Variants in COL25A1 observed in about 807,000 individuals in gnomAD.
COL25A1 encodes the protein collagen type XXV alpha 1 chain.
A neutral mutation model predicts 128.4 loss-of-function variants in COL25A1; 103 were observed. The observed-to-expected ratio is 0.80, with a 90% CI of 0.68 to 0.94. COL25A1 has a LOEUF of 0.94. COL25A1 is among the 40% of genes least tolerant of loss of function. COL25A1 has a pLI of 0.00. For synonymous variants in COL25A1, 279 were observed against 277.2 expected (o/e 1.01, Z -0.06); for missense variants, 745 against 840.0 (o/e 0.89, Z 1.40).
Position 109,211,302 on chromosome 4 carries a change from A to AAAC in COL25A1, c.367+89280_367+89281insGTT, listed in dbSNP as rs1777524089. Among the ~76,000 whole-genome samples, 3 of 48,562 alleles carry AAAC rather than the reference A, an allele frequency of 6.2e-5. No homozygotes were observed. In the South Asian group the frequency reaches 1.5e-3, roughly 24 times the overall value. 31.9% of individuals were successfully genotyped at this position (48,562 alleles called of 152,430 possible). A position where few individuals can be genotyped will look rare whatever the true frequency, so the allele number is the denominator to read the frequency against. Reference sequence around the variant, plus strand: ...TATATATATGAAACTATATATATATATATATATATATATATATATATATAT... The same window carrying AAAC: ...TATATATATGAAACTATATATATATAAACTATATATATATATATATATATATAT... On this transcript the variant is annotated intron_variant, in intron 3 of 37. Coordinates refer to ENST00000399132, the MANE Select transcript of COL25A1 (RefSeq NM_198721.4).
At chr4:109,233,374 T>C (rs1484684032) in intron 3 of COL25A1, among the ~76,000 whole-genome samples, 2 of 152,192 alleles carry the variant, frequency 1.3e-5, no homozygotes, top group African/African-American at 4.8e-5. Flanking sequence ...CATAGTAGTC[T>C]GACTGTCATA....
Position 109,298,652 on chromosome 4 carries a change from T to C in COL25A1, c.367+1931A>G, listed in dbSNP as rs148650650. ...TAGAAATAAATAGTTTTCCCCAAGA[T>C]ATTATTTTCAACGTAATGTCCTTAT... On this transcript the variant is annotated intron_variant, in intron 3 of 37. Coordinates refer to ENST00000399132, the MANE Select transcript of COL25A1 (RefSeq NM_198721.4). 4.3e-4 allele frequency among the ~76,000 whole-genome samples: 65 copies of C among 152,356 alleles called. 1 individual carries two copies. Among genetic ancestry groups the C allele is most frequent in the Non-Finnish European group, 7.8e-4 (53 of 68,028 alleles).
intron 19 of COL25A1, 24 bp downstream of exon 19, chr4:108,884,154 C>A: frequency 6.2e-7 from 1 of 1,612,270 alleles, no homozygotes. Flanking sequence ...TCTGTGAAGC[C>A]GAGACTGTCC....
intron 20 of COL25A1, among the ~76,000 whole-genome samples, chr4:108,867,169 T>C (rs1429900783): frequency 6.6e-6 from 1 of 152,230 alleles, no homozygotes; most frequent in African/African-American, 2.4e-5. Flanking sequence ...CTTCACTCTC[T>C]ACTGCTTGTG....
intron 5 of COL25A1, among the ~76,000 whole-genome samples, chr4:109,034,282 C>T (rs1560574489): frequency 6.6e-6 from 1 of 152,072 alleles, no homozygotes; most frequent in East Asian, 1.9e-4. Context: ...AATGAGGACA[C>T]AATAAACTAT....
At chr4:108,846,117 C>A (rs1735062341) in intron 28 of COL25A1, 22 bp downstream of exon 28, 2 of 1,493,208 alleles carry the variant, frequency 1.3e-6, no homozygotes, top group Non-Finnish European at 1.9e-6. Flanking sequence ...AAAGTATAAA[C>A]AAACAGAAAG....
chr4:108,952,527 A>G (rs1293282706), intron 8 of COL25A1, among the ~76,000 whole-genome samples: 1 of 152,144 alleles, frequency 6.6e-6, no homozygotes, highest in Admixed American at 6.5e-5. Flanking sequence ...TGAATTGTGG[A>G]GCTCAAATTA....
intron 5 of COL25A1, among the ~76,000 whole-genome samples, chr4:109,030,604 T>C (rs1005436164): frequency 6.6e-6 from 1 of 152,220 alleles, no homozygotes; most frequent in Admixed American, 6.5e-5. Flanking sequence ...CCAAGATTCA[T>C]GTAGACTCTC....
intron 3 of COL25A1, among the ~76,000 whole-genome samples, chr4:109,215,265 A>C (rs1428530133): frequency 1.3e-5 from 2 of 152,270 alleles, no homozygotes; most frequent in Non-Finnish European, 2.9e-5. Flanking sequence ...GAAAGTACAC[A>C]ATTTCTTTTT....
chr4:108,973,243 T>G, intron 8 of COL25A1, among the ~76,000 whole-genome samples: 1 of 152,228 alleles, frequency 6.6e-6, no homozygotes, highest in Non-Finnish European at 1.5e-5. Context: ...GATAACGTGG[T>G]GTTTAATCTC....
intron 5 of COL25A1, among the ~76,000 whole-genome samples, chr4:109,027,354 C>T (rs1159871968): frequency 6.6e-6 from 1 of 152,008 alleles, no homozygotes; most frequent in Non-Finnish European, 1.5e-5. Context: ...GTGTGCTTAG[C>T]GTGTCCAGCA....
intron 3 of COL25A1, among the ~76,000 whole-genome samples, chr4:109,239,350 T>C (rs1578518904): frequency 6.9e-6 from 1 of 145,872 alleles, no homozygotes; most frequent in South Asian, 2.1e-4. Context: ...TATTATATAA[T>C]GTAGCTCTAT....
intron 3 of COL25A1, among the ~76,000 whole-genome samples, chr4:109,206,850 C>T (rs373318186): frequency 1.1e-4 from 16 of 152,270 alleles, no homozygotes; most frequent in African/African-American, 3.4e-4. Flanking sequence ...AACTCCCTCA[C>T]GTCTACTGTC....
chr4:109,239,420 A>ATATATT (rs1553965400), intron 3 of COL25A1, among the ~76,000 whole-genome samples: 27 of 124,320 alleles, frequency 2.2e-4, no homozygotes, highest in South Asian at 1.2e-3. Context: ...ATATATATAT[A>ATATATT]TATTTATTTA....
At chr4:109,082,690 G>C (rs529912588) in intron 3 of COL25A1, among the ~76,000 whole-genome samples, 3 of 152,054 alleles carry the variant, frequency 2.0e-5, no homozygotes, top group East Asian at 3.9e-4. Context: ...TTCTAGATAC[G>C]CATGCCTTGC....
intron 3 of COL25A1, among the ~76,000 whole-genome samples, chr4:109,128,905 G>A (rs1354382233): frequency 6.6e-6 from 1 of 152,168 alleles, no homozygotes; most frequent in African/African-American, 2.4e-5. Flanking sequence ...AGCACGTTGT[G>A]TTATAACAAT....
chr4:109,077,053 A>G lies in COL25A1; in HGVS notation c.368-26874T>C, dbSNP rs1336599754. On this transcript the variant is annotated intron_variant, in intron 3 of 37. Transcript: ENST00000399132. ...CTTTGAAGGGACTGGGGACCTCTGC[A>G]GTAAAGGGTCCTGCAATGATTGCTC... is the stretch of plus-strand genomic sequence containing the variant. Among the ~76,000 whole-genome samples the G allele has an allele frequency of 2.2e-4, 33 of 152,186 alleles. 1 individual carries two copies. The highest frequency in any genetic ancestry group is 2.1e-3 in the Admixed American group (32 of 15,272).
At chr4:109,091,428 T>C (rs985224106) in intron 3 of COL25A1, among the ~76,000 whole-genome samples, 2 of 152,204 alleles carry the variant, frequency 1.3e-5, no homozygotes, top group Admixed American at 1.3e-4. Context: ...CAATTGTCTA[T>C]ACAATTTAAT....
At chr4:109,297,450 T>C (rs375651558) in intron 3 of COL25A1, among the ~76,000 whole-genome samples, 1 of 152,110 alleles carries the variant, frequency 6.6e-6, no homozygotes, top group African/African-American at 2.4e-5. Context: ...ACTTCAATCA[T>C]GGTTTACCTA....
Sources: allele counts gnomAD v4.1 joint callset (sites outside exome capture counted in the v4.1 genomes callset), GRCh38; gene constraint gnomAD v4.1.1; transcripts MANE v1.5; gene names NCBI Gene and HGNC (gene_info 2026-07-23, HGNC 2026-07-21).